SLC44A5: variants seen among roughly 807,000 people sequenced by gnomAD.
SLC44A5 encodes the protein choline transporter-like protein 5.
Under a neutral mutation model 101.8 loss-of-function variants are expected in SLC44A5, and 57 were observed. The observed-to-expected ratio is 0.56, with a 90% CI of 0.45 to 0.70. The LOEUF (loss-of-function observed/expected upper bound fraction) is 0.70, where lower values mean the gene tolerates loss of function less well. SLC44A5 is among the 30% of genes least tolerant of loss of function. The probability of loss-of-function intolerance (pLI) is 0.00; values close to 1 mark genes in which losing one functional copy is unlikely to be tolerated. For synonymous variants in SLC44A5, 281 were observed against 290.9 expected, an observed-to-expected ratio of 0.97 and a Z score of 0.35; for missense variants, 737 against 853.1, an observed-to-expected ratio of 0.86 and a Z score of 1.70.
At chr1:75,214,876 G>A (rs1646930812) in intron 19 of SLC44A5, among the ~76,000 whole-genome samples, 198 bp from the exon 20 acceptor site, 1 of 152,144 alleles carries the variant, frequency 6.6e-6, no homozygotes, top group African/African-American at 2.4e-5. Flanking sequence ...TGACAGTCAG[G>A]TGTGCTTCCG....
At chr1:75,643,184 C>T in the SLC44A5 span, among the ~76,000 whole-genome samples, 12 of 152,140 alleles carry the variant, frequency 7.9e-5, no homozygotes, top group African/African-American at 2.9e-4. Context: ...GATCTAGTAA[C>T]TTTACTTATA....
At chr1:75,308,412 G>A (rs1351698624) in intron 4 of SLC44A5, among the ~76,000 whole-genome samples, 1 of 151,518 alleles carries the variant, frequency 6.6e-6, no homozygotes, top group African/African-American at 2.4e-5. Flanking sequence ...TTTACAAAGA[G>A]GAGTTTAAGT....
intron 3 of SLC44A5, among the ~76,000 whole-genome samples, chr1:75,371,623 T>C (rs1259115015): frequency 6.6e-6 from 1 of 152,248 alleles, no homozygotes; most frequent in Admixed American, 6.5e-5. Flanking sequence ...GTAGCCACTT[T>C]ATCTGTTTTT....
At chr1:75,699,462 C>T in the SLC44A5 span, among the ~76,000 whole-genome samples, 43 of 151,846 alleles carry the variant, frequency 2.8e-4, no homozygotes, top group African/African-American at 9.2e-4. Context: ...TGAGAGATTT[C>T]GTCACCACCC....
chr1:75,255,886 T>C (rs1649978807), intron 6 of SLC44A5, among the ~76,000 whole-genome samples: 1 of 152,136 alleles, frequency 6.6e-6, no homozygotes, highest in African/African-American at 2.4e-5. Flanking sequence ...TTTTTCAATC[T>C]ACACTTCTAT....
chr1:75,486,333 T>C (rs1230264049), intron 2 of SLC44A5, among the ~76,000 whole-genome samples: 4 of 152,196 alleles, frequency 2.6e-5, no homozygotes, highest in African/African-American at 9.6e-5. Flanking sequence ...AGGATGGGCA[T>C]ATGTCTGTGT....
At chr1:75,615,766 C>T, upstream of SLC44A5, 1 of 813,916 alleles carries the variant, frequency 1.2e-6, no homozygotes, top group Non-Finnish European at 1.5e-6. Flanking sequence ...TCCACTTGGC[C>T]GCGCCTGGAT....
At chr1:75,316,692 A>C (rs1655714913) in intron 4 of SLC44A5, among the ~76,000 whole-genome samples, 1 of 152,230 alleles carries the variant, frequency 6.6e-6, no homozygotes, top group African/African-American at 2.4e-5. Flanking sequence ...TTTGGTTAAA[A>C]GTAGAAGGAG....
chr1:75,579,826 T>TACACACACACACACAC (rs6143284), intron 1 of SLC44A5, among the ~76,000 whole-genome samples: 4,241 of 149,660 alleles, frequency 0.028, 175 homozygotes, highest in African/African-American at 0.09. Flanking sequence ...TTCAACTATC[T>TACACACACACACACAC]ACACACACAC....
chr1:75,688,319 C>A, the SLC44A5 span, among the ~76,000 whole-genome samples: 3 of 152,202 alleles, frequency 2.0e-5, no homozygotes, highest in Non-Finnish European at 4.4e-5. Flanking sequence ...TCTTTCCCAT[C>A]TTTCTTTAAA....
chr1:75,555,658 T>C (rs1196303197), intron 1 of SLC44A5, among the ~76,000 whole-genome samples: 1 of 151,632 alleles, frequency 6.6e-6, no homozygotes, highest in East Asian at 1.9e-4. Context: ...CTCTTATTTA[T>C]AATAAGACAC....
chr1:75,448,064 T>C (rs2101650487), intron 2 of SLC44A5, among the ~76,000 whole-genome samples: 1 of 152,314 alleles, frequency 6.6e-6, no homozygotes, highest in Non-Finnish European at 1.5e-5. Context: ...ATTATGAATG[T>C]TTTCCATCTC....
intron 1 of SLC44A5, among the ~76,000 whole-genome samples, chr1:75,560,247 G>A (rs781743800): frequency 5.3e-5 from 8 of 152,076 alleles, no homozygotes; most frequent in South Asian, 2.1e-4. Context: ...TTGTAGCTAC[G>A]TTAACAATAG....
At chr1:75,490,665 G>A (rs1328876101) in intron 2 of SLC44A5, among the ~76,000 whole-genome samples, 1 of 152,134 alleles carries the variant, frequency 6.6e-6, no homozygotes, top group Non-Finnish European at 1.5e-5. Context: ...TGTAAAAGAT[G>A]CTTTGAAATA....
chr1:75,683,312 T>C, the SLC44A5 span, among the ~76,000 whole-genome samples: 1 of 152,144 alleles, frequency 6.6e-6, no homozygotes, highest in African/African-American at 2.4e-5. Flanking sequence ...CATACGTATG[T>C]TTATTGCGGC....
chr1:75,624,834 C>T, the SLC44A5 span, among the ~76,000 whole-genome samples: 455 of 152,242 alleles, frequency 3.0e-3, 2 homozygotes, highest in Non-Finnish European at 3.8e-3. Context: ...TCTACTGAAA[C>T]CAGCTCTGCT....
At chr1:75,620,270 G>A in the SLC44A5 span, among the ~76,000 whole-genome samples, 257 of 152,132 alleles carry the variant, frequency 1.7e-3, no homozygotes, top group Middle Eastern at 3.4e-3. Context: ...CTTTGCTATC[G>A]TGAACAGTGC....
At chr1:75,485,267 CAT>C (rs1668092526) in intron 2 of SLC44A5, among the ~76,000 whole-genome samples, 1 of 152,204 alleles carries the variant, frequency 6.6e-6, no homozygotes, top group African/African-American at 2.4e-5. Flanking sequence ...TGTGAACACA[CAT>C]GATTGTATGC....
chr1:75,472,321 A>G (rs889706358), intron 2 of SLC44A5, among the ~76,000 whole-genome samples: 1 of 152,132 alleles, frequency 6.6e-6, no homozygotes, highest in Non-Finnish European at 1.5e-5. Context: ...AAGAAAGCCA[A>G]GGTATTTTGA....
Sources: allele counts gnomAD v4.1 joint callset (sites outside exome capture counted in the v4.1 genomes callset), GRCh38; gene constraint gnomAD v4.1.1; transcripts MANE v1.5; gene names NCBI Gene and HGNC (gene_info 2026-07-23, HGNC 2026-07-21).